KLHL13: variants seen among roughly 807,000 people sequenced by gnomAD.
KLHL13 encodes the protein kelch like family member 13.
In KLHL13, 10 loss-of-function variants were observed where a neutral mutation model predicts 37.1. The observed-to-expected ratio is 0.27, with a 90% CI of 0.17 to 0.46. The LOEUF is 0.46. Ranked by LOEUF, KLHL13 falls within the 20% of genes least tolerant of loss-of-function variation. The pLI is 1.00. For synonymous variants in KLHL13, 163 were observed against 181.2 expected, an observed-to-expected ratio of 0.90 and a Z score of 0.81; for missense variants, 360 against 509.3, an observed-to-expected ratio of 0.71 and a Z score of 2.82.
intron 1 of KLHL13, among the ~76,000 whole-genome samples, chrX:118,036,103 C>G (rs1448313352): frequency 9.8e-6 from 1 of 102,305 alleles, no homozygotes; most frequent in Non-Finnish European, 2.0e-5. Context: ...AGGATACAAA[C>G]AAATGGAAGA....
intron 1 of KLHL13, among the ~76,000 whole-genome samples, chrX:118,028,948 T>G (rs758432771): frequency 3.6e-5 from 4 of 111,886 alleles, no homozygotes; most frequent in Non-Finnish European, 5.6e-5. Flanking sequence ...GGGATGTAAA[T>G]CATCCTTTTG....
upstream of KLHL13, among the ~76,000 whole-genome samples, chrX:117,974,244 C>CA (rs2147908734): frequency 8.9e-6 from 1 of 111,814 alleles, no homozygotes; most frequent in South Asian, 3.7e-4. Flanking sequence ...AGGCAATTCA[C>CA]AATCATAGTA....
intron 2 of KLHL13, among the ~76,000 whole-genome samples, chrX:117,932,833 G>A (rs1932528054): frequency 9.0e-6 from 1 of 111,433 alleles, no homozygotes; most frequent in Non-Finnish European, 1.9e-5. Context: ...TCCACCAACA[G>A]TATTTAAGAG....
intron 1 of KLHL13, among the ~76,000 whole-genome samples, chrX:118,108,773 G>T (rs943042120): frequency 8.9e-6 from 1 of 111,824 alleles, no homozygotes; most frequent in African/African-American, 3.2e-5. Flanking sequence ...TGTGGTCCTT[G>T]TGTTCTAATA....
At chrX:117,986,841 C>G (rs1228437275) in intron 1 of KLHL13, among the ~76,000 whole-genome samples, 1 of 111,840 alleles carries the variant, frequency 8.9e-6, no homozygotes, top group African/African-American at 3.3e-5. Flanking sequence ...ATGTTTAGCA[C>G]TCAATGTTGA....
At chrX:118,049,475 C>T (rs373956882) in intron 1 of KLHL13, among the ~76,000 whole-genome samples, 1 of 111,344 alleles carries the variant, frequency 9.0e-6, no homozygotes, top group East Asian at 2.8e-4. Flanking sequence ...TTTTAAATGT[C>T]CCAGAGTGTT....
chrX:118,089,033 A>T (rs1441853855), intron 1 of KLHL13, among the ~76,000 whole-genome samples: 1 of 111,736 alleles, frequency 8.9e-6, no homozygotes, highest in Non-Finnish European at 1.9e-5. Flanking sequence ...TAGCCAGAGG[A>T]TCAGAAAAAG....
intron 1 of KLHL13, among the ~76,000 whole-genome samples, chrX:118,006,455 A>C (rs1316163902): frequency 9.0e-6 from 1 of 110,933 alleles, no homozygotes; most frequent in Non-Finnish European, 1.9e-5. Context: ...AAATGATCTC[A>C]CCTTTGAATA....
At chrX:118,073,134 T>A (rs1264765211) in intron 1 of KLHL13, among the ~76,000 whole-genome samples, 1 of 109,702 alleles carries the variant, frequency 9.1e-6, no homozygotes, top group African/African-American at 3.3e-5. Flanking sequence ...GAAGTCCTCA[T>A]TCCCTCTATT....
intron 1 of KLHL13, among the ~76,000 whole-genome samples, chrX:117,954,165 T>A (rs1273969119): frequency 8.9e-6 from 1 of 112,233 alleles, no homozygotes; most frequent in Non-Finnish European, 1.9e-5. Flanking sequence ...AATATCTCAA[T>A]CTTGTCCTTA....
intron 1 of KLHL13, among the ~76,000 whole-genome samples, chrX:118,067,991 C>T (rs927501080): frequency 2.7e-5 from 3 of 111,725 alleles, no homozygotes; most frequent in Non-Finnish European, 5.6e-5. Context: ...CTAGAAGCAG[C>T]ACAGTGGGGT....
rs1159623518 is a variant in KLHL13 at position 118,048,131 on chromosome X, G to A, written c.-56+68377C>T. Among the ~76,000 whole-genome samples the A allele has an allele frequency of 3.6e-5, 4 of 111,502 alleles. No individual in the cohort carries two copies. In the East Asian group the frequency reaches 1.1e-3, roughly 31 times the overall value. ...TAAGTACACAACTCTTACAAGGAGT[G>A]TTCCTTTAATAGAGAGTAGAGAAAT... On this transcript the variant is annotated intron_variant, in intron 1 of 6. Transcript: ENST00000371882.
chrX:117,937,793 GT>G (rs1191536474), intron 2 of KLHL13, among the ~76,000 whole-genome samples: 7 of 111,558 alleles, frequency 6.3e-5, no homozygotes, highest in Non-Finnish European at 1.3e-4. Flanking sequence ...CAAATCAATG[GT>G]TTTAGTATAT....
At chrX:118,112,527 G>A (rs932266679) in intron 1 of KLHL13, among the ~76,000 whole-genome samples, 16 of 111,989 alleles carry the variant, frequency 1.4e-4, no homozygotes, top group African/African-American at 5.2e-4. Flanking sequence ...CACCCACTGT[G>A]CACGTACTCT....
intron 1 of KLHL13, among the ~76,000 whole-genome samples, chrX:118,086,375 T>C (rs1246038912): frequency 9.0e-6 from 1 of 111,611 alleles, no homozygotes; most frequent in East Asian, 2.8e-4. Flanking sequence ...CTAATTTACA[T>C]TCCCACCAAC....
At chrX:117,963,888 T>G (rs866351123) in intron 1 of KLHL13, among the ~76,000 whole-genome samples, 1 of 102,722 alleles carries the variant, frequency 9.7e-6, no homozygotes, top group Middle Eastern at 4.9e-3. Context: ...TCATGTCCTT[T>G]GTAGGGACAT....
chrX:118,011,811 T>C (rs1432924311), intron 1 of KLHL13, among the ~76,000 whole-genome samples: 1 of 112,179 alleles, frequency 8.9e-6, no homozygotes, highest in African/African-American at 3.2e-5. Context: ...ATCTTTGTGT[T>C]GAATAAACAT....
chrX:117,997,570 T>C (rs2053868900), intron 1 of KLHL13, among the ~76,000 whole-genome samples: 1 of 112,170 alleles, frequency 8.9e-6, no homozygotes, highest in Non-Finnish European at 1.9e-5. Flanking sequence ...TAAGGATGAA[T>C]GTAAAGATTC....
exon 1 of KLHL13, chrX:117,972,794 A>T: frequency 1.7e-6 from 2 of 1,211,804 alleles, no homozygotes; most frequent in South Asian, 3.5e-5. Context: ...GAATTTCCAG[A>T]TAGCAGGAGA....
Sources: gnomAD v4.1 joint callset for allele counts (sites outside exome capture counted in the v4.1 genomes callset) on GRCh38, gnomAD v4.1.1 for gene constraint, MANE v1.5 for transcripts, NCBI Gene and HGNC (gene_info 2026-07-23, HGNC 2026-07-21) for gene names.